DOCK4: variants seen among roughly 807,000 people sequenced by gnomAD.
DOCK4 encodes the protein dedicator of cytokinesis protein 4.
DOCK4 carries 97 observed loss-of-function variants against 268.1 expected under a neutral mutation model. The observed-to-expected ratio is 0.36, with a 90% confidence interval of 0.31 to 0.43. The LOEUF (loss-of-function observed/expected upper bound fraction) is 0.43, where lower values mean the gene tolerates loss of function less well. Ranked by LOEUF, DOCK4 falls within the 20% of genes least tolerant of loss-of-function variation. The pLI, the probability that DOCK4 is intolerant of heterozygous loss-of-function variation, is 1.00. For synonymous variants in DOCK4, 954 were observed against 887.2 expected (o/e 1.08, Z -1.34); for missense variants, 2,145 against 2,455.7 (o/e 0.87, Z 2.67).
chr7:112,151,784 A>G (rs1428669489), intron 1 of DOCK4, among the ~76,000 whole-genome samples: 1 of 151,666 alleles, frequency 6.6e-6, no homozygotes, highest in African/African-American at 2.4e-5. Flanking sequence ...AAAGGTACAC[A>G]TTAACATGAA....
At chr7:111,772,817 C>G (rs550554118) in intron 36 of DOCK4, among the ~76,000 whole-genome samples, 6 of 152,044 alleles carry the variant, frequency 3.9e-5, no homozygotes, top group Non-Finnish European at 7.4e-5. Context: ...ACAAAACCCC[C>G]CAAAAAACAA....
rs753880464 is a variant in DOCK4 at position 111,960,523 on chromosome 7, CTTT to C, written c.702-14728_702-14726del. On this transcript the variant is annotated intron_variant, in intron 8 of 52. Transcript: ENST00000428084. ...TAAAACACGTGCTTTACCTCATGTGCTTTTTTTTTTTTTTTTTTTTTTTTGGTG... is the reference window on the plus strand; with the variant it reads ...TAAAACACGTGCTTTACCTCATGTGCTTTTTTTTTTTTTTTTTTTTTGGTG... 9.1e-3 allele frequency among the ~76,000 whole-genome samples: 716 copies of C among 78,510 alleles called. 4 individuals carry two copies. The highest frequency in any genetic ancestry group is 0.034 in the African/African-American group (649 of 19,084). The allele number at this position is 78,510 out of a possible 152,430, so 51.5% of individuals were successfully genotyped here.
intron 41 of DOCK4, among the ~76,000 whole-genome samples, chr7:111,756,391 C>T (rs998670360): frequency 1.3e-5 from 2 of 152,028 alleles, no homozygotes. Context: ...CTTAAAGCAG[C>T]AATGTGACTT....
chr7:111,804,889 T>G (rs994932380), intron 30 of DOCK4, among the ~76,000 whole-genome samples: 3 of 152,154 alleles, frequency 2.0e-5, no homozygotes, highest in Admixed American at 6.5e-5. Context: ...TGTCAGCCAC[T>G]GCACCCAACC....
intron 1 of DOCK4, among the ~76,000 whole-genome samples, chr7:112,162,077 A>C (rs1219026652): frequency 2.0e-5 from 3 of 152,186 alleles, no homozygotes; most frequent in Non-Finnish European, 4.4e-5. Flanking sequence ...AAAAATGATA[A>C]TGTAAATTTT....
intron 1 of DOCK4, among the ~76,000 whole-genome samples, chr7:112,070,211 G>A (rs943764045): frequency 1.3e-5 from 2 of 152,182 alleles, no homozygotes; most frequent in African/African-American, 2.4e-5. Flanking sequence ...AGTTAAATAG[G>A]AGATGACTAA....
At chr7:112,193,179 T>G (rs528447053) in intron 1 of DOCK4, among the ~76,000 whole-genome samples, 1 of 152,336 alleles carries the variant, frequency 6.6e-6, no homozygotes, top group East Asian at 1.9e-4. Flanking sequence ...ACTCTACCTC[T>G]TTTGGTTGCT....
At chr7:111,766,475 G>A (rs1164648370) in intron 38 of DOCK4, among the ~76,000 whole-genome samples, 1 of 152,160 alleles carries the variant, frequency 6.6e-6, no homozygotes, top group African/African-American at 2.4e-5. Context: ...GGAGGGCAAG[G>A]AGGACTTGTT....
At chr7:111,961,027 T>C (rs1330146150) in intron 8 of DOCK4, among the ~76,000 whole-genome samples, 3 of 152,156 alleles carry the variant, frequency 2.0e-5, no homozygotes, top group East Asian at 3.9e-4. Context: ...TGGTTTCATT[T>C]CTTTAGATGC....
At chr7:112,128,547 G>A (rs1423353590) in intron 1 of DOCK4, among the ~76,000 whole-genome samples, 1 of 152,230 alleles carries the variant, frequency 6.6e-6, no homozygotes, top group Non-Finnish European at 1.5e-5. Context: ...GTAGACATGG[G>A]AGACTTCATT....
At chr7:111,864,213 T>C (rs1805785062) in intron 22 of DOCK4, among the ~76,000 whole-genome samples, 1 of 150,622 alleles carries the variant, frequency 6.6e-6, no homozygotes. Context: ...CCAAGAACTG[T>C]GTGTACAGAC....
rs762289834 is a variant in DOCK4, at chr7:111,728,697, G to C, written c.5505C>G (p.Pro1835=). ...PLKGSVQSFT[P]SPVEYHSPGL... is the part of the protein sequence containing the mutation. ...CTGGCGAGTGGTACTCCACTGGAGA[G>C]GGGGTGAAAGACTGCACAGAGCCCT... The change falls in exon 53 of 53, where the codon CCC becomes CCG. Residue 1835 remains proline (P), a synonymous_variant. Coordinates refer to ENST00000428084, the MANE Select transcript of DOCK4 (RefSeq NM_001363540.2). 3.1e-6 allele frequency: 5 copies of C among 1,612,948 alleles called. No homozygotes were observed. The highest frequency in any genetic ancestry group is 3.4e-6 in the Non-Finnish European group (4 of 1,179,524).
intron 25 of DOCK4, among the ~76,000 whole-genome samples, chr7:111,841,299 G>A (rs1004677664): frequency 4.6e-5 from 7 of 151,882 alleles, no homozygotes; most frequent in Admixed American, 1.3e-4. Flanking sequence ...TGAGTAGCTG[G>A]GGTTACAGGT....
At chr7:111,931,049 G>A (rs988457153) in intron 12 of DOCK4, among the ~76,000 whole-genome samples, 1 of 152,180 alleles carries the variant, frequency 6.6e-6, no homozygotes, top group African/African-American at 2.4e-5. Flanking sequence ...AGAAACAGAA[G>A]GCAGATAGAT....
intron 16 of DOCK4, 110 bp downstream of exon 16, chr7:111,895,502 C>T (rs1586294886): frequency 3.2e-6 from 3 of 941,648 alleles, no homozygotes; most frequent in East Asian, 4.8e-5. Context: ...AGCAATCTTA[C>T]AAGAATATTC....
intron 1 of DOCK4, among the ~76,000 whole-genome samples, chr7:112,075,480 C>T (rs1236690382): frequency 6.6e-6 from 1 of 152,174 alleles, no homozygotes; most frequent in Admixed American, 6.5e-5. Flanking sequence ...AACCGTAACA[C>T]TATGACAAAG....
intron 7 of DOCK4, among the ~76,000 whole-genome samples, chr7:111,978,593 T>C (rs1798381293): frequency 6.6e-6 from 1 of 152,152 alleles, no homozygotes; most frequent in Non-Finnish European, 1.5e-5. Flanking sequence ...TGGGCAGGCA[T>C]CCTGGGAAAA....
intron 30 of DOCK4, among the ~76,000 whole-genome samples, chr7:111,795,357 T>C (rs1324238232): frequency 1.3e-5 from 2 of 152,148 alleles, no homozygotes; most frequent in Non-Finnish European, 2.9e-5. Flanking sequence ...GACCGGTTCA[T>C]GATAGGCACA....
At chr7:112,171,547 C>T (rs1777770720) in intron 1 of DOCK4, among the ~76,000 whole-genome samples, 1 of 151,528 alleles carries the variant, frequency 6.6e-6, no homozygotes. Flanking sequence ...GTACTCTATA[C>T]AGCATAATAA....
Sources: gnomAD v4.1 joint callset for allele counts (sites outside exome capture counted in the v4.1 genomes callset) on GRCh38, gnomAD v4.1.1 for gene constraint, MANE v1.5 for transcripts, NCBI Gene and HGNC (gene_info 2026-07-23, HGNC 2026-07-21) for gene names.